Variants in IGF2R observed in about 807,000 individuals in gnomAD.
IGF2R encodes the protein cation-independent mannose-6-phosphate receptor.
Under a neutral mutation model 270.6 loss-of-function variants are expected in IGF2R, and 91 were observed. That is an observed-to-expected ratio of 0.34 (90% CI 0.28 to 0.40). The LOEUF (loss-of-function observed/expected upper bound fraction) is 0.40. Ranked by LOEUF, IGF2R falls within the 10% of genes least tolerant of loss-of-function variation. The probability of loss-of-function intolerance (pLI) is 1.00; values close to 1 mark genes in which losing one functional copy is unlikely to be tolerated. For synonymous variants in IGF2R, 1,316 were observed against 1,258.9 expected (o/e 1.05, Z -0.96); for missense variants, 2,805 against 3,188.3 (o/e 0.88, Z 2.90).
chr6:160,086,933 C>T (rs565112644), intron 41 of IGF2R, among the ~76,000 whole-genome samples: 2 of 152,232 alleles, frequency 1.3e-5, no homozygotes, highest in South Asian at 2.1e-4. Context: ...CTGCGCCATG[C>T]CCTGGAGACA....
chr6:160,101,778 TG>T (rs1779490134), intron 45 of IGF2R, among the ~76,000 whole-genome samples: 1 of 152,234 alleles, frequency 6.6e-6, no homozygotes, highest in South Asian at 2.1e-4. Context: ...GAAGTCTCCG[TG>T]GTTGTTTCTC....
chr6:160,012,763 A>ATT (rs370417751), intron 4 of IGF2R, among the ~76,000 whole-genome samples: 1 of 128,058 alleles, frequency 7.8e-6, no homozygotes, highest in Non-Finnish European at 1.6e-5. Context: ...ATATATATAT[A>ATT]TTTTTTTTTT....
chr6:160,064,456 G>A lies in IGF2R; in HGVS notation c.3942G>A (p.Thr1314=), dbSNP rs371109078. The A allele has an allele frequency of 2.7e-5, 44 of 1,611,984 alleles. No individual in the cohort carries two copies. Among genetic ancestry groups the A allele is most frequent in the African/African-American group, 2.7e-4 (20 of 74,810 alleles). ...ATGGCTTGTTAAAAATGAACTTCAC[G>A]GGGGGGGACACTTGCCATAAGGTTT... The part of the protein sequence containing the change: ...YENGLLKMNF[T]GGDTCHKVYQ... Residue 1314 remains threonine (T), a synonymous_variant, in exon 28 of 48, where the codon ACG becomes ACA. Coordinates refer to ENST00000356956, the MANE Select transcript of IGF2R (RefSeq NM_000876.4).
At chr6:159,993,539 G>A (rs1209109907) in intron 2 of IGF2R, among the ~76,000 whole-genome samples, 2 of 152,084 alleles carry the variant, frequency 1.3e-5, no homozygotes, top group Non-Finnish European at 2.9e-5. Flanking sequence ...TAAGTATGTG[G>A]CCCTGACTCT....
rs762572461 is a variant in IGF2R at position 160,058,935 on chromosome 6, T to C, written c.2928T>C (p.Cys976=). ...ATGTCTGCGGCACAATGCCTGTCTG[T>C]GGGACCATCCTGGGAAAACCTGCTT... ...MFNVCGTMPV[C]GTILGKPASG... is the part of the protein sequence containing the mutation. Residue 976 remains cysteine (C), a synonymous_variant, in exon 22 of 48, where the codon TGT becomes TGC. Transcript: ENST00000356956. 2 of 1,614,244 alleles carry C rather than the reference T, an allele frequency of 1.2e-6. No individual in the cohort carries two copies. The highest frequency in any genetic ancestry group is 1.3e-5 in the African/African-American group (1 of 75,068).
chr6:160,053,647 A>G (rs2115254647), intron 19 of IGF2R, among the ~76,000 whole-genome samples: 1 of 152,148 alleles, frequency 6.6e-6, no homozygotes, highest in East Asian at 1.9e-4. Flanking sequence ...GACCATTCTG[A>G]CTGTCTTTGG....
intron 2 of IGF2R, among the ~76,000 whole-genome samples, chr6:160,002,050 T>C (rs1319104572): frequency 2.0e-5 from 3 of 152,174 alleles, no homozygotes; most frequent in South Asian, 4.1e-4. Context: ...GTTATATGTA[T>C]TAAGTACTAT....
intron 2 of IGF2R, among the ~76,000 whole-genome samples, chr6:159,992,002 C>T (rs1783986489): frequency 6.6e-6 from 1 of 152,188 alleles, no homozygotes; most frequent in Admixed American, 6.5e-5. Context: ...GCAGGGCAGA[C>T]AGAAAAGCAG....
chr6:160,051,802 TA>T (rs1284044133), intron 19 of IGF2R, among the ~76,000 whole-genome samples: 2 of 151,462 alleles, frequency 1.3e-5, no homozygotes, highest in African/African-American at 4.9e-5. Context: ...ACAAAAAATT[TA>T]AAAAAAAATT....
chr6:160,074,065 G>A, intron 35 of IGF2R, 90 bp downstream of exon 35: 1 of 869,564 alleles, frequency 1.2e-6, no homozygotes. Context: ...GTGGGGAGTT[G>A]CTCAAGCATA....
In IGF2R at chr6:160,050,984, C is replaced by T. The variant is rs951561588; in HGVS notation, c.2694+332C>T. Among the ~76,000 whole-genome samples, 7 of 152,044 alleles carry T rather than the reference C, an allele frequency of 4.6e-5. No homozygotes were observed. The highest frequency in any genetic ancestry group is 1.9e-4 in the East Asian group (1 of 5,186). On this transcript the variant is annotated intron_variant, in intron 19 of 47. Transcript: ENST00000356956. The surrounding 1 kb of genome is among the most constrained non-coding windows in gnomAD (Gnocchi z 4.0). The stretch of plus-strand genomic sequence containing the variant: ...TGAGTTGAGGATCGTGGCAGTGGAA[C>T]GGGGCTTAGAGATAGTTTGGTCCTG...
chr6:160,073,257 A>G lies in IGF2R; in HGVS notation c.4735A>G (p.Lys1579Glu). 1.2e-6 allele frequency: 2 copies of G among 1,614,278 alleles called. No individual in the cohort carries two copies. Among genetic ancestry groups the G allele is most frequent in the Non-Finnish European group, 1.7e-6 (2 of 1,180,048 alleles). The change falls in exon 34 of 48, where the codon AAG becomes GAG. Residue 1579 changes from lysine (K) to glutamate (E), a missense_variant. Lys to Glu is a moderately conservative substitution (Grantham distance 56). This residue lies in a region of IGF2R where 1,851 missense variants were observed against 2,207.2 expected (regional missense o/e 0.84). Transcript: ENST00000356956. ...QTRISVGKANKRLRYVDQVLQ... is the reference protein window; with the variant it reads ...QTRISVGKANERLRYVDQVLQ... ...CAGGATTAGCGTGGGCAAGGCCAAC[A>G]AGAGGCTGAGATACGTGGACCAGGT...
Position 159,986,418 on chromosome 6 carries a change from GTGTGTGTGTGTGTT to G in IGF2R, c.150-4764_150-4751del, listed in dbSNP as rs1266933400. Among the ~76,000 whole-genome samples, 5 of 109,402 alleles carry G rather than the reference GTGTGTGTGTGTGTT, an allele frequency of 4.6e-5. No individual in the cohort carries two copies. In the Admixed American group the frequency reaches 5.4e-4, roughly 12 times the overall value. 71.8% of individuals were successfully genotyped at this position (109,402 alleles called of 152,430 possible). ...GGCTAATTTTTGTGTGTGTGTGTGT[GTGTGTGTGTGTGTT>G]TTTTTTTTTTTTTTAAGTAGATTCA... On this transcript the variant is annotated intron_variant, in intron 1 of 47. Transcript: ENST00000356956.
intron 19 of IGF2R, among the ~76,000 whole-genome samples, chr6:160,054,074 T>TG (rs554261135): frequency 1.0e-3 from 158 of 152,216 alleles, no homozygotes; most frequent in Non-Finnish European, 2.1e-3. Context: ...TTATTTCTCA[T>TG]AAAGATTTGC....
chr6:160,104,458 AC>A (rs1779567352), intron 47 of IGF2R, among the ~76,000 whole-genome samples: 2 of 150,198 alleles, frequency 1.3e-5, no homozygotes, highest in Admixed American at 1.3e-4. Context: ...ACCCTCCCAA[AC>A]CCTCCTGCCT....
intron 16 of IGF2R, among the ~76,000 whole-genome samples, 190 bp downstream of exon 16, chr6:160,047,526 C>G (rs561648709): frequency 6.6e-6 from 1 of 152,224 alleles, no homozygotes; most frequent in East Asian, 1.9e-4. Context: ...TTAATAACAG[C>G]CCACAAGCCT....
At chr6:160,032,854 G>T in intron 8 of IGF2R, 88 bp from the exon 9 acceptor site, 1 of 1,390,734 alleles carries the variant, frequency 7.2e-7, no homozygotes, top group Non-Finnish European at 9.9e-7. Flanking sequence ...TTCAGAAATA[G>T]GATTCAGGTT....
intron 37 of IGF2R, 95 bp from the exon 38 acceptor site, chr6:160,079,484 AC>A (rs1483264819): frequency 3.6e-6 from 3 of 844,518 alleles, no homozygotes; most frequent in Non-Finnish European, 4.9e-6. Flanking sequence ...TTCCTCATGA[AC>A]CTGCCTCCAG....
At chr6:159,986,921 G>A (rs1245068879) in intron 1 of IGF2R, among the ~76,000 whole-genome samples, 1 of 152,018 alleles carries the variant, frequency 6.6e-6, no homozygotes, top group African/African-American at 2.4e-5. Flanking sequence ...TTCACTTCAG[G>A]TAGAGAATTT....
Sources: gnomAD v4.1 joint callset for allele counts (sites outside exome capture counted in the v4.1 genomes callset) on GRCh38, gnomAD v4.1.1 for gene constraint, gnomAD v4.1.1 regional missense constraint, Gnocchi (gnomAD v3.1) non-coding constraint, MANE v1.5 for transcripts, NCBI Gene and HGNC (gene_info 2026-07-23, HGNC 2026-07-21) for gene names.